ZDHHC17: variants seen among roughly 807,000 people sequenced by gnomAD.
ZDHHC17 encodes the protein zDHHC palmitoyltransferase 17.
Under a neutral mutation model 90.3 loss-of-function variants are expected in ZDHHC17, and 40 were observed. The ratio of observed to expected loss-of-function variants is 0.44; its 90% CI spans 0.34 to 0.58. ZDHHC17 has a LOEUF of 0.58. Ranked by LOEUF, ZDHHC17 falls within the 20% of genes least tolerant of loss-of-function variation. The probability of loss-of-function intolerance (pLI) is 0.01; values close to 1 mark genes in which losing one functional copy is unlikely to be tolerated. For missense variants in ZDHHC17, 614 were observed against 780.8 expected, an observed-to-expected ratio of 0.79 and a Z score of 2.55; for synonymous variants, 235 against 252.4, an observed-to-expected ratio of 0.93 and a Z score of 0.65.
At chr12:76,849,615 A>G (rs1035833592) in intron 16 of ZDHHC17, 145 bp downstream of exon 16, 5 of 540,706 alleles carry the variant, frequency 9.2e-6, no homozygotes, top group Admixed American at 3.9e-5. Context: ...CCATAATAAC[A>G]ACAAAACAGA....
intron 1 of ZDHHC17, among the ~76,000 whole-genome samples, chr12:76,771,778 A>G (rs546873867): frequency 1.3e-5 from 2 of 152,190 alleles, no homozygotes; most frequent in East Asian, 3.8e-4. Context: ...TTGAAGACAG[A>G]AGTTTCTTGT....
chr12:76,815,254 A>G, intron 6 of ZDHHC17, 44 bp downstream of exon 6: 1 of 1,345,266 alleles, frequency 7.4e-7, no homozygotes, highest in Admixed American at 2.2e-5. Context: ...ATTTCAGCAT[A>G]ATACAATATG....
At chr12:76,811,862 A>G (rs1382110267) in intron 5 of ZDHHC17, among the ~76,000 whole-genome samples, 1 of 152,176 alleles carries the variant, frequency 6.6e-6, no homozygotes, top group Non-Finnish European at 1.5e-5. Context: ...TTTGAGTGTC[A>G]ACATGATGCC....
intron 1 of ZDHHC17, among the ~76,000 whole-genome samples, chr12:76,775,208 T>A (rs574313208): frequency 1.8e-4 from 28 of 152,242 alleles, no homozygotes; most frequent in Non-Finnish European, 3.4e-4. Context: ...GGAGTTTGAT[T>A]ACTGATTGTT....
intron 10 of ZDHHC17, among the ~76,000 whole-genome samples, chr12:76,837,472 G>A (rs1953381499): frequency 6.6e-6 from 1 of 152,080 alleles, no homozygotes; most frequent in Non-Finnish European, 1.5e-5. Flanking sequence ...TCTGGCCTGG[G>A]CAACAGAGTG....
intron 5 of ZDHHC17, among the ~76,000 whole-genome samples, 163 bp from the exon 6 acceptor site, chr12:76,814,981 CAA>C (rs896686250): frequency 3.9e-5 from 6 of 151,940 alleles, no homozygotes; most frequent in Non-Finnish European, 5.9e-5. Context: ...TATATAGTGA[CAA>C]GAGTTTCATT....
At chr12:76,849,021 C>T (rs1387025129) in intron 15 of ZDHHC17, among the ~76,000 whole-genome samples, 1 of 147,042 alleles carries the variant, frequency 6.8e-6, no homozygotes, top group Non-Finnish European at 1.5e-5. Flanking sequence ...CATGGTGGCT[C>T]ACACCTGTAA....
chr12:76,786,167 A>T (rs544357182), intron 1 of ZDHHC17, among the ~76,000 whole-genome samples: 1 of 150,770 alleles, frequency 6.6e-6, no homozygotes, highest in South Asian at 2.1e-4. Context: ...GTTGCCCAGG[A>T]GTGCAGTGGT....
intron 1 of ZDHHC17, among the ~76,000 whole-genome samples, chr12:76,773,970 T>C (rs569729299): frequency 1.3e-5 from 2 of 152,290 alleles, no homozygotes; most frequent in Non-Finnish European, 2.9e-5. Context: ...TACTTCTGGC[T>C]GAGTGCGGTG....
rs1192942314 is a variant in ZDHHC17, at chr12:76,821,241, A to G, written c.772-1165A>G. On this transcript the variant is annotated intron_variant, in intron 7 of 16. Coordinates refer to ENST00000426126, the MANE Select transcript of ZDHHC17 (RefSeq NM_015336.4). ...ATGGAATTTTGGAATAGGTAAGGCA[A>G]TATTTTAAAGTAAATATCCCTATTT... The G allele has an allele frequency of 1.3e-5, 10 of 785,210 alleles. No homozygotes were observed. In the East Asian group the frequency reaches 3.5e-4, roughly 27 times the overall value. The allele number at this position is 785,210 out of a possible 1,614,324, so 48.6% of individuals were successfully genotyped here.
intron 1 of ZDHHC17, among the ~76,000 whole-genome samples, chr12:76,794,682 GA>G (rs201028731): frequency 4.0e-5 from 6 of 150,542 alleles, no homozygotes; most frequent in Middle Eastern, 3.4e-3. Context: ...TATGTTACTG[GA>G]AAAAAAAAGT....
At chr12:76,847,694 C>CA (rs1953511985) in intron 14 of ZDHHC17, among the ~76,000 whole-genome samples, 1 of 152,032 alleles carries the variant, frequency 6.6e-6, no homozygotes, top group Non-Finnish European at 1.5e-5. Context: ...CCCATCTCTA[C>CA]AAAAAATACA....
intron 5 of ZDHHC17, chr12:76,813,448 T>C (rs1411015348): frequency 5.3e-6 from 2 of 377,870 alleles, no homozygotes; most frequent in African/African-American, 4.3e-5. Context: ...ACAGTATGCA[T>C]GGTGAGTGAC....
At chr12:76,794,758 A>G (rs752648124) in intron 1 of ZDHHC17, among the ~76,000 whole-genome samples, 8 of 152,206 alleles carry the variant, frequency 5.3e-5, no homozygotes, top group African/African-American at 1.9e-4. Flanking sequence ...TGAGAATACA[A>G]TTTAATCATT....
At chr12:76,845,150 G>A (rs1953479563) in intron 12 of ZDHHC17, 3 of 152,018 alleles carry the variant, frequency 2.0e-5, no homozygotes, top group Admixed American at 1.3e-4. Context: ...GATCTCAGAA[G>A]GCACTTTACT....
intron 4 of ZDHHC17, 110 bp from the exon 5 acceptor site, chr12:76,809,603 C>T (rs1450302968): frequency 1.3e-5 from 12 of 895,086 alleles, no homozygotes; most frequent in Non-Finnish European, 1.8e-5. Context: ...AATAACTTTT[C>T]AAAATACATA....
At chr12:76,827,635 A>G (rs1953245184) in intron 9 of ZDHHC17, among the ~76,000 whole-genome samples, 1 of 152,048 alleles carries the variant, frequency 6.6e-6, no homozygotes. Context: ...TTTCCCATCT[A>G]ATTTCCAGTC....
At chr12:76,788,924 C>T (rs1009249727) in intron 1 of ZDHHC17, among the ~76,000 whole-genome samples, 6 of 151,658 alleles carry the variant, frequency 4.0e-5, no homozygotes, top group African/African-American at 9.7e-5. Context: ...CTCAAGCTCC[C>T]GACCTCAGGT....
chr12:76,811,001 G>A (rs1343814915), intron 5 of ZDHHC17, among the ~76,000 whole-genome samples: 1 of 152,208 alleles, frequency 6.6e-6, no homozygotes, highest in Non-Finnish European at 1.5e-5. Flanking sequence ...ACCAGTCCAT[G>A]TGGTCTTTCC....
Sources: allele counts gnomAD v4.1 joint callset (sites outside exome capture counted in the v4.1 genomes callset), GRCh38; gene constraint gnomAD v4.1.1; transcripts MANE v1.5; gene names NCBI Gene and HGNC (gene_info 2026-07-23, HGNC 2026-07-21).